OTUD7A: variants seen among roughly 807,000 people sequenced by gnomAD.
OTUD7A encodes OTU deubiquitinase 7A.
OTUD7A carries 12 observed loss-of-function variants against 65.7 expected under a neutral mutation model. The observed-to-expected ratio is 0.18, with a 90% CI of 0.12 to 0.30. OTUD7A has a LOEUF of 0.30. Ranked by LOEUF, OTUD7A falls within the 10% of genes least tolerant of loss-of-function variation. The pLI is 1.00. For synonymous variants in OTUD7A, 641 were observed against 586.3 expected (o/e 1.09, Z -1.35); for missense variants, 1,148 against 1,304.8 (o/e 0.88, Z 1.85).
rs188666354 is a variant in OTUD7A at position 31,536,598 on chromosome 15, A to G, written c.551-5790T>C. On this transcript the variant is annotated intron_variant, in intron 5 of 12. Coordinates refer to ENST00000307050, the MANE Select transcript of OTUD7A (RefSeq NM_001382637.1). ...GAAGCAGAACATGTTTTACATTTCT[A>G]CATTCCATCTGTCAATGGCTAAAGA... 5.7e-4 allele frequency among the ~76,000 whole-genome samples: 87 copies of G among 152,408 alleles called. 1 individual carries two copies. The highest frequency in any genetic ancestry group is 2.0e-3 in the African/African-American group (85 of 41,606).
intron 5 of OTUD7A, among the ~76,000 whole-genome samples, chr15:31,546,090 G>T (rs1888121939): frequency 6.6e-6 from 1 of 152,186 alleles, no homozygotes; most frequent in Non-Finnish European, 1.5e-5. Context: ...ATGGGAAAAT[G>T]TGAGTAGGTT....
intron 1 of OTUD7A, among the ~76,000 whole-genome samples, chr15:31,700,496 C>T (rs1485183680): frequency 6.6e-6 from 1 of 152,166 alleles, no homozygotes; most frequent in Non-Finnish European, 1.5e-5. Flanking sequence ...TCGCCCTCTC[C>T]ATCTCAATGA....
At chr15:31,502,269 C>T (rs1200160736) in intron 9 of OTUD7A, among the ~76,000 whole-genome samples, 2 of 152,198 alleles carry the variant, frequency 1.3e-5, no homozygotes, top group South Asian at 2.1e-4. Context: ...AGTCAGAGAG[C>T]TCCAGGACCA....
intron 1 of OTUD7A, among the ~76,000 whole-genome samples, chr15:31,843,820 G>A (rs1389489358): frequency 6.6e-6 from 1 of 152,150 alleles, no homozygotes; most frequent in African/African-American, 2.4e-5. Context: ...TCCAAGCCCT[G>A]CACCAAAGCA....
intron 1 of OTUD7A, among the ~76,000 whole-genome samples, chr15:31,841,225 G>A (rs1327702712): frequency 6.6e-6 from 1 of 152,146 alleles, no homozygotes; most frequent in Non-Finnish European, 1.5e-5. Context: ...CCTTGGCAAG[G>A]CACTCAACTT....
At chr15:31,488,233 A>G (rs1294293418) in intron 10 of OTUD7A, among the ~76,000 whole-genome samples, 1 of 152,142 alleles carries the variant, frequency 6.6e-6, no homozygotes, top group Non-Finnish European at 1.5e-5. Flanking sequence ...AGGAGGTCAC[A>G]TGTAGGTGGA....
At chr15:31,790,038 G>C (rs188397293) in intron 1 of OTUD7A, among the ~76,000 whole-genome samples, 1 of 152,324 alleles carries the variant, frequency 6.6e-6, no homozygotes, top group East Asian at 1.9e-4. Context: ...GGAGAGGGAA[G>C]AGGATACAAT....
At chr15:31,653,574 CAG>C (rs546076063) in intron 3 of OTUD7A, among the ~76,000 whole-genome samples, 201 of 150,276 alleles carry the variant, frequency 1.3e-3, no homozygotes, top group Admixed American at 2.3e-3. Context: ...TGATAGAAAA[CAG>C]AGCACTGACT....
At chr15:31,764,073 C>T (rs1895041610) in intron 1 of OTUD7A, among the ~76,000 whole-genome samples, 1 of 152,112 alleles carries the variant, frequency 6.6e-6, no homozygotes, top group African/African-American at 2.4e-5. Flanking sequence ...AAACTTGAAA[C>T]TTCAGAAATA....
At chr15:31,594,364 G>C (rs947758838) in intron 3 of OTUD7A, among the ~76,000 whole-genome samples, 2 of 152,206 alleles carry the variant, frequency 1.3e-5, no homozygotes, top group South Asian at 4.1e-4. Flanking sequence ...CATGTCTCTT[G>C]AGTGTTTTCC....
At chr15:31,737,345 C>T (rs767318895) in intron 1 of OTUD7A, among the ~76,000 whole-genome samples, 3 of 152,048 alleles carry the variant, frequency 2.0e-5, no homozygotes, top group Non-Finnish European at 4.4e-5. Context: ...GCAAAAGACA[C>T]GAACAAGCGG....
intron 1 of OTUD7A, among the ~76,000 whole-genome samples, chr15:31,847,287 C>T (rs141185454): frequency 9.1e-4 from 139 of 152,326 alleles, no homozygotes; most frequent in Middle Eastern, 3.4e-3. Context: ...AGCCAGGCCA[C>T]TGTGCACACA....
At chr15:31,510,313 C>G (rs1456820145) in intron 8 of OTUD7A, among the ~76,000 whole-genome samples, 1 of 151,354 alleles carries the variant, frequency 6.6e-6, no homozygotes, top group African/African-American at 2.4e-5. Flanking sequence ...ACACAGAGCT[C>G]GGGTGGGGAG....
At chr15:31,739,397 T>C (rs1320696405) in intron 1 of OTUD7A, among the ~76,000 whole-genome samples, 2 of 152,154 alleles carry the variant, frequency 1.3e-5, no homozygotes, top group African/African-American at 4.8e-5. Flanking sequence ...TAAAATGAAA[T>C]GAAATAATAT....
At chr15:31,584,552 C>T (rs1031589659) in intron 3 of OTUD7A, among the ~76,000 whole-genome samples, 12 of 152,178 alleles carry the variant, frequency 7.9e-5, no homozygotes, top group Non-Finnish European at 1.5e-4. Context: ...GCCTACGTCA[C>T]CTTAAAACCC....
chr15:31,617,173 G>T (rs1890614616), intron 3 of OTUD7A, among the ~76,000 whole-genome samples: 1 of 152,092 alleles, frequency 6.6e-6, no homozygotes, highest in Non-Finnish European at 1.5e-5. Flanking sequence ...CCAAAAAATG[G>T]TTCTTTGGAA....
At chr15:31,681,150 C>A (rs1221381529) in intron 1 of OTUD7A, among the ~76,000 whole-genome samples, 1 of 151,234 alleles carries the variant, frequency 6.6e-6, no homozygotes, top group East Asian at 1.9e-4. Context: ...ATGTATCTAT[C>A]TTTCTTATTA....
In OTUD7A at chr15:31,699,503, T is replaced by A. The variant is rs1893164620; in HGVS notation, c.-99-42426A>T. Among the ~76,000 whole-genome samples the A allele has an allele frequency of 2.6e-5, 4 of 152,158 alleles. No homozygotes were observed. The South Asian group carries it at 6.2e-4, about 24-fold the overall frequency. On this transcript the variant is annotated intron_variant, in intron 1 of 12. Coordinates refer to ENST00000307050, the MANE Select transcript of OTUD7A (RefSeq NM_001382637.1). Reference sequence around the variant, plus strand: ...CACGTGTTTGGGGAGGGGGCTCTGATGTTAGAGCTGCTCATGTAGCAATAA... The same window carrying A: ...CACGTGTTTGGGGAGGGGGCTCTGAAGTTAGAGCTGCTCATGTAGCAATAA...
intron 3 of OTUD7A, among the ~76,000 whole-genome samples, chr15:31,618,111 T>C (rs1342793743): frequency 2.6e-5 from 4 of 152,214 alleles, no homozygotes; most frequent in Admixed American, 2.0e-4. Flanking sequence ...CATGAACTCA[T>C]CATTTTTTAT....
Sources: gnomAD v4.1 joint callset for allele counts (sites outside exome capture counted in the v4.1 genomes callset) on GRCh38, gnomAD v4.1.1 for gene constraint, MANE v1.5 for transcripts, NCBI Gene and HGNC (gene_info 2026-07-23, HGNC 2026-07-21) for gene names.